ZNG1C: variants seen among roughly 807,000 people sequenced by gnomAD.
The protein encoded by ZNG1C is Zn regulated GTPase metalloprotein activator 1C.
At chr9:68,268,394 G>A in the ZNG1C span, among the ~76,000 whole-genome samples, 1 of 152,118 alleles carries the variant, frequency 6.6e-6, no homozygotes, top group Non-Finnish European at 1.5e-5. Context: ...CGGGTAGAGA[G>A]CCTAATTAGG....
the ZNG1C span, chr9:68,269,548 C>CTTTTTTTTTTTTTTTTT: frequency 1.8e-5 from 1 of 57,052 alleles, no homozygotes; most frequent in African/African-American, 2.6e-4. Flanking sequence ...TTATTAAGCT[C>CTTTTTTTTTTTTTTTTT]ATTTTTTTTT....
At chr9:68,256,722 A>T in the ZNG1C span, among the ~76,000 whole-genome samples, 2 of 133,478 alleles carry the variant, frequency 1.5e-5, no homozygotes, top group African/African-American at 5.7e-5. Flanking sequence ...ATGGAAATGG[A>T]ATGGGTATAA....
chr9:68,248,942 T>C, the ZNG1C span: 2 of 325,198 alleles, frequency 6.2e-6, no homozygotes, highest in South Asian at 2.6e-5. Flanking sequence ...TTCTGTGATA[T>C]ATTGTAAATA....
the ZNG1C span, among the ~76,000 whole-genome samples, chr9:68,279,272 CTGTG>C: frequency 2.1e-5 from 2 of 93,458 alleles, no homozygotes; most frequent in Non-Finnish European, 4.3e-5. Flanking sequence ...ATTTGCCAGT[CTGTG>C]TCTTTTAATT....
chr9:68,275,401 T>C, the ZNG1C span, among the ~76,000 whole-genome samples: 3 of 150,652 alleles, frequency 2.0e-5, no homozygotes, highest in Non-Finnish European at 4.4e-5. Flanking sequence ...TGTATACATG[T>C]GCCATGCTGG....
the ZNG1C span, among the ~76,000 whole-genome samples, chr9:68,267,216 A>G: frequency 3.3e-5 from 5 of 152,404 alleles, no homozygotes; most frequent in South Asian, 2.1e-4. Context: ...ATCTCAGTTC[A>G]TATAGTATAT....
chr9:68,299,218 A>G, the ZNG1C span: 182 of 1,559,698 alleles, frequency 1.2e-4, no homozygotes, highest in East Asian at 1.9e-3. Flanking sequence ...CTTGTGGTCA[A>G]TGTTTCATCT....
At chr9:68,287,606 A>G in the ZNG1C span, among the ~76,000 whole-genome samples, 2 of 152,344 alleles carry the variant, frequency 1.3e-5, no homozygotes, top group African/African-American at 4.8e-5. Flanking sequence ...GTAGAATAGT[A>G]TAATGAGCCT....
the ZNG1C span, among the ~76,000 whole-genome samples, chr9:68,292,048 G>C: frequency 6.6e-6 from 1 of 151,988 alleles, no homozygotes; most frequent in Non-Finnish European, 1.5e-5. Context: ...GAGCCTGGTA[G>C]ACTTGCTGGG....
chr9:68,254,496 T>A, the ZNG1C span: 1 of 152,182 alleles, frequency 6.6e-6, no homozygotes, highest in South Asian at 2.1e-4. Context: ...TATTTCTTTT[T>A]GTCAGGCTGT....
At chr9:68,289,668 G>GTGGGT in the ZNG1C span, among the ~76,000 whole-genome samples, 1 of 144,126 alleles carries the variant, frequency 6.9e-6, no homozygotes, top group African/African-American at 2.7e-5. Flanking sequence ...AAATAACCCA[G>GTGGGT]TGGGTTAAAG....
At chr9:68,296,446 T>G in the ZNG1C span, among the ~76,000 whole-genome samples, 1 of 151,498 alleles carries the variant, frequency 6.6e-6, no homozygotes, top group African/African-American at 2.4e-5. Flanking sequence ...TGTTCCCCAG[T>G]AACCTATGGA....
At chr9:68,296,584 T>C in the ZNG1C span, among the ~76,000 whole-genome samples, 1 of 152,276 alleles carries the variant, frequency 6.6e-6, no homozygotes, top group Non-Finnish European at 1.5e-5. Flanking sequence ...TATGATTATG[T>C]AATGGTGAGT....
At chr9:68,288,432 C>CA in the ZNG1C span, among the ~76,000 whole-genome samples, 1 of 152,230 alleles carries the variant, frequency 6.6e-6, no homozygotes, top group Non-Finnish European at 1.5e-5. Flanking sequence ...TTTTAGTGTA[C>CA]AATTCAATGT....
the ZNG1C span, among the ~76,000 whole-genome samples, chr9:68,267,370 TATA>T: frequency 7.5e-6 from 1 of 133,526 alleles, no homozygotes; most frequent in African/African-American, 2.9e-5. Context: ...TATAAAAAAA[TATA>T]ATGTCTCCAT....
At chr9:68,247,223 G>T in the ZNG1C span, among the ~76,000 whole-genome samples, 1 of 151,890 alleles carries the variant, frequency 6.6e-6, no homozygotes, top group Non-Finnish European at 1.5e-5. Flanking sequence ...AGAATGAAAA[G>T]AAAAAGATAA....
At chr9:68,269,060 T>C in the ZNG1C span, 1 of 1,089,906 alleles carries the variant, frequency 9.2e-7, no homozygotes, top group Non-Finnish European at 1.3e-6. Flanking sequence ...CAAATATGCT[T>C]GATTCTGATA....
At chr9:68,282,824 C>G in the ZNG1C span, among the ~76,000 whole-genome samples, 1 of 56,314 alleles carries the variant, frequency 1.8e-5, no homozygotes, top group East Asian at 2.6e-4. Context: ...TTAGACTAAA[C>G]AAATTACAGT....
At chr9:68,243,063 T>C in the ZNG1C span, 1 of 26,560 alleles carries the variant, frequency 3.8e-5, no homozygotes, top group Non-Finnish European at 6.6e-5. Context: ...TGACCTTTTA[T>C]GTAAAAATAA....
Sources: allele counts gnomAD v4.1 joint callset (sites outside exome capture counted in the v4.1 genomes callset), GRCh38; gene constraint gnomAD v4.1.1; transcripts MANE v1.5; gene names NCBI Gene and HGNC (gene_info 2026-07-23, HGNC 2026-07-21).